The following FAM240B variants were observed in gnomAD, a reference collection of about 807,000 sequenced individuals.
FAM240B encodes the protein protein FAM240B.
At chr9:38,706,085 CAT>C (rs1821187746) in intron 1 of FAM240B, among the ~76,000 whole-genome samples, 1 of 152,086 alleles carries the variant, frequency 6.6e-6, no homozygotes, top group Non-Finnish European at 1.5e-5. Context: ...TTATTTAAAA[CAT>C]TTTTATTTTT....
At chr9:38,704,604 C>A (rs1821167376) in intron 1 of FAM240B, among the ~76,000 whole-genome samples, 1 of 152,138 alleles carries the variant, frequency 6.6e-6, no homozygotes, top group Non-Finnish European at 1.5e-5. Context: ...GTGTGTGTGT[C>A]TGCATGTGTA....
At chr9:38,711,124 T>C (rs1399076751) in intron 1 of FAM240B, among the ~76,000 whole-genome samples, 2 of 152,196 alleles carry the variant, frequency 1.3e-5, no homozygotes, top group South Asian at 2.1e-4. Context: ...CCAAGATGAT[T>C]CTCTGCGCAT....
At chr9:38,711,509 C>T (rs914333499) in intron 1 of FAM240B, among the ~76,000 whole-genome samples, 25 of 152,348 alleles carry the variant, frequency 1.6e-4, no homozygotes, top group African/African-American at 2.9e-4. Flanking sequence ...AGCTTCCTCC[C>T]GTTCCTCTTT....
At chr9:38,698,461 C>A (rs978112797) in intron 2 of FAM240B, among the ~76,000 whole-genome samples, 1 of 152,178 alleles carries the variant, frequency 6.6e-6, no homozygotes, top group South Asian at 2.1e-4. Context: ...TTATAATGGG[C>A]ATTGTGCATT....
intron 2 of FAM240B, among the ~76,000 whole-genome samples, chr9:38,698,753 T>C: frequency 6.6e-6 from 1 of 152,210 alleles, no homozygotes; most frequent in East Asian, 1.9e-4. Context: ...GTTCATAATA[T>C]ATTAATTCAC....
chr9:38,708,223 A>C (rs1363584763), intron 1 of FAM240B, among the ~76,000 whole-genome samples: 1 of 152,152 alleles, frequency 6.6e-6, no homozygotes, highest in East Asian at 1.9e-4. Context: ...GCTTTTCTCG[A>C]AACCTCCTCC....
chr9:38,705,740 A>C (rs1469823936), intron 1 of FAM240B, among the ~76,000 whole-genome samples: 1 of 152,212 alleles, frequency 6.6e-6, no homozygotes, highest in Non-Finnish European at 1.5e-5. Context: ...GGAGCTTCCC[A>C]CCTGAAGGGA....
At chr9:38,705,400 T>TC (rs1821177388) in intron 1 of FAM240B, 1 of 152,236 alleles carries the variant, frequency 6.6e-6, no homozygotes, top group Non-Finnish European at 1.5e-5. Context: ...CCATCCTGCC[T>TC]AACACAGTGA....
intron 1 of FAM240B, among the ~76,000 whole-genome samples, chr9:38,712,540 G>C (rs983655188): frequency 2.6e-5 from 4 of 152,150 alleles, no homozygotes; most frequent in Admixed American, 1.3e-4. Flanking sequence ...TCGTGAGCGA[G>C]AAAGTGAATC....
At chr9:38,711,499 A>G (rs1421342206) in intron 1 of FAM240B, among the ~76,000 whole-genome samples, 1 of 152,160 alleles carries the variant, frequency 6.6e-6, no homozygotes, top group East Asian at 1.9e-4. Flanking sequence ...GGGCAGATTG[A>G]GCTTCCTCCC....
chr9:38,698,474 C>T (rs925320298), intron 2 of FAM240B, among the ~76,000 whole-genome samples: 1 of 152,118 alleles, frequency 6.6e-6, no homozygotes, highest in African/African-American at 2.4e-5. Flanking sequence ...TGTGCATTTT[C>T]TTATTATTTA....
At chr9:38,696,271 T>TCTTTCTA (rs1821067220) in intron 2 of FAM240B, among the ~76,000 whole-genome samples, 1 of 152,230 alleles carries the variant, frequency 6.6e-6, no homozygotes, top group African/African-American at 2.4e-5. Flanking sequence ...TACTTAATAC[T>TCTTTCTA]CTTTCTACAT....
chr9:38,702,850 C>A (rs1430102550), intron 2 of FAM240B, among the ~76,000 whole-genome samples: 1 of 152,246 alleles, frequency 6.6e-6, no homozygotes, highest in African/African-American at 2.4e-5. Context: ...ACCACATGTG[C>A]TAAAGATTGT....
At chr9:38,707,615 A>G (rs1482486482) in intron 1 of FAM240B, among the ~76,000 whole-genome samples, 1 of 121,992 alleles carries the variant, frequency 8.2e-6, no homozygotes, top group African/African-American at 4.1e-5. Flanking sequence ...AAAAAAAACA[A>G]AAAAAAAAAA....
intron 1 of FAM240B, among the ~76,000 whole-genome samples, chr9:38,706,409 G>A (rs1034158400): frequency 6.6e-6 from 1 of 152,180 alleles, no homozygotes; most frequent in Non-Finnish European, 1.5e-5. Flanking sequence ...GGTGCTCAGT[G>A]ACCTTACCCT....
intron 1 of FAM240B, among the ~76,000 whole-genome samples, chr9:38,711,731 A>G (rs1184029509): frequency 1.4e-5 from 2 of 139,016 alleles, no homozygotes; most frequent in Non-Finnish European, 3.0e-5. Context: ...ATCTCTGCTC[A>G]CTGTAACCTC....
At chr9:38,719,848 C>T (rs2119018965) in intron 1 of FAM240B, among the ~76,000 whole-genome samples, 174 bp downstream of exon 1, 1 of 152,324 alleles carries the variant, frequency 6.6e-6, no homozygotes, top group South Asian at 2.1e-4. Context: ...GGAAAAAAAT[C>T]TACTGGCCCA....
At chr9:38,710,875 G>A (rs1020458057) in intron 1 of FAM240B, among the ~76,000 whole-genome samples, 7 of 152,038 alleles carry the variant, frequency 4.6e-5, no homozygotes, top group Non-Finnish European at 7.4e-5. Flanking sequence ...TACAGAGGAC[G>A]TACAAAGAGG....
chr9:38,719,350 C>G (rs1290572270), intron 1 of FAM240B, among the ~76,000 whole-genome samples: 1 of 151,792 alleles, frequency 6.6e-6, no homozygotes, highest in Non-Finnish European at 1.5e-5. Context: ...ATAATTCCAA[C>G]AGCAGTTCTT....
Sources: allele counts gnomAD v4.1 joint callset (sites outside exome capture counted in the v4.1 genomes callset), GRCh38; gene constraint gnomAD v4.1.1; transcripts MANE v1.5; gene names NCBI Gene and HGNC (gene_info 2026-07-23, HGNC 2026-07-21).